PANK1: variants seen among roughly 807,000 people sequenced by gnomAD.
The protein encoded by PANK1 is pantothenate kinase 1, also known as pantothenic acid kinase 1.
Under a neutral mutation model 40.1 loss-of-function variants are expected in PANK1, and 18 were observed. The observed-to-expected ratio is 0.45, with a 90% CI of 0.31 to 0.67. PANK1 has a LOEUF of 0.67. Ranked by LOEUF, PANK1 falls within the 30% of genes least tolerant of loss-of-function variation. The probability of loss-of-function intolerance (pLI) is 0.06; values close to 1 mark genes in which losing one functional copy is unlikely to be tolerated. For synonymous variants in PANK1, 242 were observed against 237.7 expected (o/e 1.02, Z -0.17); for missense variants, 457 against 599.6 (o/e 0.76, Z 2.48).
At chr10:89,599,799 G>A (rs1844721449) in intron 2 of PANK1, among the ~76,000 whole-genome samples, 1 of 152,170 alleles carries the variant, frequency 6.6e-6, no homozygotes, top group African/African-American at 2.4e-5. Context: ...ATGGCACTAT[G>A]TCCTAATTCT....
intron 2 of PANK1, among the ~76,000 whole-genome samples, chr10:89,607,365 T>C (rs936383317): frequency 1.3e-5 from 2 of 152,244 alleles, no homozygotes; most frequent in African/African-American, 2.4e-5. Flanking sequence ...TGCCATCTTA[T>C]ATGGGCATAA....
At chr10:89,613,696 T>C (rs1259037412) in intron 1 of PANK1, among the ~76,000 whole-genome samples, 2 of 152,184 alleles carry the variant, frequency 1.3e-5, no homozygotes, top group Admixed American at 6.5e-5. Flanking sequence ...GCAACCAGTG[T>C]AGGTTGGGAA....
At chr10:89,624,421 T>G (rs1845599029) in intron 1 of PANK1, among the ~76,000 whole-genome samples, 1 of 152,202 alleles carries the variant, frequency 6.6e-6, no homozygotes, top group Non-Finnish European at 1.5e-5. Flanking sequence ...TTATTTTTTA[T>G]GGAGGAAGGG....
chr10:89,600,259 G>A (rs1844734843), intron 2 of PANK1, among the ~76,000 whole-genome samples: 1 of 152,192 alleles, frequency 6.6e-6, no homozygotes, highest in South Asian at 2.1e-4. Flanking sequence ...AGAATATTCA[G>A]AAAGCAACAA....
intron 2 of PANK1, among the ~76,000 whole-genome samples, chr10:89,600,965 G>T (rs1268904248): frequency 1.3e-5 from 2 of 152,036 alleles, no homozygotes; most frequent in Non-Finnish European, 2.9e-5. Flanking sequence ...AACCCTAAAA[G>T]TTGGTACTAT....
intron 1 of PANK1, chr10:89,613,931 C>T (rs1845240015): frequency 4.4e-6 from 2 of 455,994 alleles, no homozygotes; most frequent in African/African-American, 2.0e-5. Flanking sequence ...GCTCCTTCTA[C>T]CTCTTTGGAT....
At chr10:89,618,997 CTT>C (rs1447261848) in intron 1 of PANK1, among the ~76,000 whole-genome samples, 1 of 152,070 alleles carries the variant, frequency 6.6e-6, no homozygotes, top group African/African-American at 2.4e-5. Context: ...AATCAAAATC[CTT>C]CGCGGTTTTT....
chr10:89,605,734 A>G (rs1028626567), intron 2 of PANK1, among the ~76,000 whole-genome samples: 2 of 152,216 alleles, frequency 1.3e-5, no homozygotes, highest in African/African-American at 2.4e-5. Context: ...AAATGTTCTT[A>G]ATGGCATCTA....
intron 1 of PANK1, among the ~76,000 whole-genome samples, chr10:89,630,009 T>C (rs1442727619): frequency 6.6e-6 from 1 of 152,242 alleles, no homozygotes; most frequent in East Asian, 1.9e-4. Flanking sequence ...AAGACAGCAT[T>C]ACCAGGACTT....
chr10:89,585,872 G>T (rs1445748704), intron 6 of PANK1, among the ~76,000 whole-genome samples: 1 of 152,212 alleles, frequency 6.6e-6, no homozygotes, highest in African/African-American at 2.4e-5. Flanking sequence ...GCCCGCGTAA[G>T]CCAGAGGGAA....
Position 89,645,197 on chromosome 10 carries a change from C to T in PANK1, c.-306G>A, listed in dbSNP as rs200594170. On this transcript the variant is annotated 5_prime_UTR_variant, in exon 1 of 7. Coordinates refer to ENST00000307534, the MANE Select transcript of PANK1 (RefSeq NM_148977.3). Reference sequence around the variant, plus strand: ...CTCCCGCCGCCCGCCTTCCCCTGATCCCCAGGCCGCGCGACTTCAAACGCG... The same window carrying T: ...CTCCCGCCGCCCGCCTTCCCCTGATTCCCAGGCCGCGCGACTTCAAACGCG... 1.1e-4 allele frequency: 174 copies of T among 1,594,930 alleles called. 2 individuals are homozygous for T. The Admixed American group carries it at 1.2e-3, about 11-fold the overall frequency.
chr10:89,625,048 A>C (rs1479687517), intron 1 of PANK1, among the ~76,000 whole-genome samples: 14 of 151,976 alleles, frequency 9.2e-5, no homozygotes, highest in Admixed American at 9.2e-4. Flanking sequence ...ATAAGTGTGC[A>C]CTCTACCACT....
At chr10:89,614,798 CA>C (rs35455215) in intron 1 of PANK1, among the ~76,000 whole-genome samples, 13 of 145,494 alleles carry the variant, frequency 8.9e-5, no homozygotes, top group Non-Finnish European at 9.1e-5. Context: ...CCCCCTATCT[CA>C]AAAAAAAAAG....
intron 5 of PANK1, among the ~76,000 whole-genome samples, chr10:89,591,246 C>CA (rs149430971): frequency 0.099 from 14,965 of 151,624 alleles, 789 homozygotes; most frequent in Admixed American, 0.12. Flanking sequence ...TAAAAACAAA[C>CA]AAAAAAACCC....
At chr10:89,623,418 G>T (rs1263229180) in intron 1 of PANK1, among the ~76,000 whole-genome samples, 2 of 151,804 alleles carry the variant, frequency 1.3e-5, no homozygotes, top group African/African-American at 4.8e-5. Flanking sequence ...TGGAGACGAG[G>T]TTTCACCATG....
downstream of PANK1, chr10:89,580,511 C>T (rs1844032849): frequency 6.6e-6 from 1 of 152,238 alleles, no homozygotes; most frequent in Non-Finnish European, 1.5e-5. Flanking sequence ...AGCTTCCAGT[C>T]CCTGAATAAG....
chr10:89,645,066 C>T lies in PANK1; in HGVS notation c.-175G>A, dbSNP rs1441783024. The T allele has an allele frequency of 6.4e-7, 1 of 1,555,946 alleles. No individual in the cohort carries two copies. The highest frequency in any genetic ancestry group is 8.6e-7 in the Non-Finnish European group (1 of 1,156,554). On this transcript the variant is annotated 5_prime_UTR_variant, in exon 1 of 7. Transcript: ENST00000307534. ...CCTCCCCTCCTCCTGCCGACTCCCC[C>T]ACCTCCTCTGCGCCCTGCCCCCCGC...
chr10:89,641,778 A>T (rs934977132), intron 1 of PANK1, among the ~76,000 whole-genome samples: 10 of 150,622 alleles, frequency 6.6e-5, no homozygotes, highest in South Asian at 4.2e-4. Flanking sequence ...TAAATAAAAT[A>T]AAAAAAAATC....
intron 2 of PANK1, among the ~76,000 whole-genome samples, chr10:89,607,838 G>GAGT (rs869211039): frequency 3.0e-5 from 1 of 32,984 alleles, no homozygotes; most frequent in African/African-American, 6.3e-5. Context: ...CAGAGCCTTG[G>GAGT]TGCACAGCCA....
Sources: allele counts gnomAD v4.1 joint callset (sites outside exome capture counted in the v4.1 genomes callset), GRCh38; gene constraint gnomAD v4.1.1; transcripts MANE v1.5; gene names NCBI Gene and HGNC (gene_info 2026-07-23, HGNC 2026-07-21).